Variants in DENND1A observed in about 807,000 individuals in gnomAD.
The protein encoded by DENND1A is DENN domain-containing protein 1A.
In DENND1A, 51 loss-of-function variants were observed where a neutral mutation model predicts 113.7. The ratio of observed to expected loss-of-function variants is 0.45; its 90% confidence interval spans 0.36 to 0.57. DENND1A has a LOEUF of 0.57. DENND1A is among the 20% of genes least tolerant of loss of function. The pLI, the probability that DENND1A is intolerant of heterozygous loss-of-function variation, is 0.00. For missense variants in DENND1A, 1,258 were observed against 1,395.9 expected, an observed-to-expected ratio of 0.90 and a Z score of 1.57; for synonymous variants, 565 against 570.8, an observed-to-expected ratio of 0.99 and a Z score of 0.14.
intron 13 of DENND1A, among the ~76,000 whole-genome samples, chr9:123,541,005 T>C (rs566735242): frequency 1.3e-5 from 2 of 152,180 alleles, no homozygotes; most frequent in South Asian, 4.1e-4. Context: ...TCTTCTTCCT[T>C]AGCTTTCTTT....
At chr9:123,605,221 C>A (rs1342670244) in intron 11 of DENND1A, among the ~76,000 whole-genome samples, 1 of 152,136 alleles carries the variant, frequency 6.6e-6, no homozygotes, top group African/African-American at 2.4e-5. Flanking sequence ...ATCCCACCAC[C>A]AAGAAGGATA....
intron 8 of DENND1A, among the ~76,000 whole-genome samples, chr9:123,655,733 G>A (rs2062910492): frequency 1.3e-5 from 2 of 152,208 alleles, no homozygotes; most frequent in African/African-American, 2.4e-5. Context: ...GAGGACTTCC[G>A]CGGCAGGCTG....
At position 123,607,478 on chromosome 9, in the gene DENND1A, C is replaced by CAG. The variant is rs763140217; in HGVS notation, c.765+1956_765+1957dup. ...TGGCTTAGAGAGAGAGAGAGAGACA[C>CAG]AGAGAGAGAGACACACACACACACA... On this transcript the variant is annotated intron_variant, in intron 11 of 23. Transcript: ENST00000394215. Among the ~76,000 whole-genome samples, 92 of 112,510 alleles carry CAG rather than the reference C, an allele frequency of 8.2e-4. 1 individual carries two copies. Among genetic ancestry groups the CAG allele is most frequent in the African/African-American group, 2.4e-3 (67 of 27,706 alleles). 73.8% of individuals were successfully genotyped at this position (112,510 alleles called of 152,430 possible). A position where few individuals can be genotyped will look rare whatever the true frequency, so the allele number is the denominator to read the frequency against.
intron 18 of DENND1A, among the ~76,000 whole-genome samples, chr9:123,442,249 G>C (rs1310206259): frequency 6.6e-6 from 1 of 152,174 alleles, no homozygotes; most frequent in Non-Finnish European, 1.5e-5. Flanking sequence ...AAACAACAAA[G>C]GGAGATGATG....
intron 9 of DENND1A, among the ~76,000 whole-genome samples, chr9:123,639,101 A>AAGGACTGTT (rs1200559628): frequency 6.6e-5 from 10 of 151,064 alleles, no homozygotes; most frequent in African/African-American, 1.2e-4. Context: ...GAAAAAGAAA[A>AAGGACTGTT]AGGACTGTTC....
At chr9:123,718,771 C>T (rs1467876765) in intron 5 of DENND1A, among the ~76,000 whole-genome samples, 1 of 152,188 alleles carries the variant, frequency 6.6e-6, no homozygotes, top group African/African-American at 2.4e-5. Context: ...TTTTCAAAGG[C>T]AAGCCCAGAC....
At chr9:123,640,013 T>C (rs544658314) in intron 9 of DENND1A, among the ~76,000 whole-genome samples, 1 of 152,264 alleles carries the variant, frequency 6.6e-6, no homozygotes, top group South Asian at 2.1e-4. Context: ...AGAACTAGGA[T>C]ATGAACCTAG....
intron 13 of DENND1A, among the ~76,000 whole-genome samples, chr9:123,513,032 C>T (rs2053585094): frequency 6.6e-6 from 1 of 152,240 alleles, no homozygotes; most frequent in Admixed American, 6.5e-5. Flanking sequence ...ACCTGTAGCT[C>T]TTCTCTGAAT....
chr9:123,382,112 C>T lies in DENND1A; in HGVS notation c.2533G>A (p.Ala845Thr), dbSNP rs755527233. 38 of 1,566,090 alleles carry T rather than the reference C, an allele frequency of 2.4e-5. No individual in the cohort carries two copies. Among genetic ancestry groups the T allele is most frequent in the South Asian group, 8.4e-5 (7 of 83,796 alleles). ...GCTGTGCTGAGCGGGTCCAGGAGGGCGAGCAGGGCGTCACTGCTCGTGCCT... is the reference window on the plus strand; with the variant it reads ...GCTGTGCTGAGCGGGTCCAGGAGGGTGAGCAGGGCGTCACTGCTCGTGCCT... ...AAGTSSDALL[A>T]LLDPLSTAWS... Residue 845 changes from alanine to threonine, a missense_variant, in exon 24 of 24, where the codon GCC (alanine) becomes ACC (threonine). Ala to Thr is a moderately conservative substitution (Grantham distance 58, BLOSUM62 0). Coordinates refer to ENST00000394215, the MANE Select transcript of DENND1A (RefSeq NM_001352964.2).
At chr9:123,854,978 A>G (rs948847542) in intron 2 of DENND1A, among the ~76,000 whole-genome samples, 1 of 151,208 alleles carries the variant, frequency 6.6e-6, no homozygotes, top group Non-Finnish European at 1.5e-5. Context: ...GAAAAACAAG[A>G]TAAGTCCCTG....
intron 4 of DENND1A, among the ~76,000 whole-genome samples, chr9:123,758,836 C>T (rs1406278516): frequency 6.6e-6 from 1 of 152,184 alleles, no homozygotes; most frequent in Non-Finnish European, 1.5e-5. Context: ...TAGTCTCGCT[C>T]TGTTGCCAGG....
intron 2 of DENND1A, among the ~76,000 whole-genome samples, chr9:123,845,227 C>CA (rs202118804): frequency 0.026 from 3,813 of 146,314 alleles, 153 homozygotes; most frequent in African/African-American, 0.088. Flanking sequence ...CTCCAAAAAA[C>CA]AAAAAAAAAA....
At chr9:123,396,267 A>G (rs928832292) in intron 21 of DENND1A, among the ~76,000 whole-genome samples, 6 of 152,224 alleles carry the variant, frequency 3.9e-5, no homozygotes, top group Non-Finnish European at 8.8e-5. Context: ...AGACATGCCC[A>G]TAGCCTCCAG....
chr9:123,743,990 T>C (rs2069246100), intron 5 of DENND1A, among the ~76,000 whole-genome samples: 1 of 152,166 alleles, frequency 6.6e-6, no homozygotes, highest in African/African-American at 2.4e-5. Context: ...ACTATTTTGG[T>C]AGCTAAAGTA....
chr9:123,667,864 G>T (rs1473813165), intron 7 of DENND1A, among the ~76,000 whole-genome samples: 2 of 152,206 alleles, frequency 1.3e-5, no homozygotes, highest in Admixed American at 6.5e-5. Flanking sequence ...AGTTCCAGTT[G>T]CTGGAGCACT....
intron 5 of DENND1A, among the ~76,000 whole-genome samples, chr9:123,719,596 C>G (rs946451053): frequency 6.6e-6 from 1 of 152,036 alleles, no homozygotes; most frequent in Non-Finnish European, 1.5e-5. Context: ...GTTGTCTTAT[C>G]TGAAATGCCT....
intron 19 of DENND1A, among the ~76,000 whole-genome samples, chr9:123,432,135 G>A (rs188200106): frequency 1.1e-4 from 16 of 152,358 alleles, no homozygotes; most frequent in African/African-American, 3.6e-4. Flanking sequence ...AGGACACGCT[G>A]AATGCCTAAT....
At chr9:123,696,546 G>C (rs2065533004) in intron 5 of DENND1A, among the ~76,000 whole-genome samples, 2 of 152,210 alleles carry the variant, frequency 1.3e-5, no homozygotes, top group African/African-American at 4.8e-5. Context: ...AAGAGGAAGA[G>C]TGGGAGAGAA....
intron 5 of DENND1A, among the ~76,000 whole-genome samples, chr9:123,708,142 C>CA (rs763684382): frequency 2.3e-4 from 34 of 148,624 alleles, no homozygotes; most frequent in South Asian, 4.3e-4. Flanking sequence ...ATAGCAAAAA[C>CA]AAAAAAAAAG....
Sources: gnomAD v4.1 joint callset for allele counts (sites outside exome capture counted in the v4.1 genomes callset) on GRCh38, gnomAD v4.1.1 for gene constraint, MANE v1.5 for transcripts, NCBI Gene and HGNC (gene_info 2026-07-23, HGNC 2026-07-21) for gene names.